Variants in CHRNB3 observed in about 807,000 individuals in gnomAD.
CHRNB3 encodes the protein cholinergic receptor nicotinic beta 3 subunit.
Under a neutral mutation model 40.6 loss-of-function variants are expected in CHRNB3, and 37 were observed. The ratio of observed to expected loss-of-function variants is 0.91; its 90% CI spans 0.70 to 1.20. The LOEUF is 1.20. Among genes scored for constraint, CHRNB3 ranks in the 50% most tolerant of loss-of-function variants. The pLI is 0.00. For missense variants in CHRNB3, 505 were observed against 551.2 expected, an observed-to-expected ratio of 0.92 and a Z score of 0.84; for synonymous variants, 207 against 207.1, an observed-to-expected ratio of 1.00 and a Z score of 0.00.
chr8:42,723,077 C>T (rs913679740), intron 3 of CHRNB3, among the ~76,000 whole-genome samples: 2 of 129,152 alleles, frequency 1.5e-5, no homozygotes, highest in Non-Finnish European at 1.7e-5. Context: ...ATAGGATATC[C>T]TATTACTTAG....
intron 4 of CHRNB3, 65 bp downstream of exon 4, chr8:42,730,768 G>C: frequency 1.9e-6 from 2 of 1,040,270 alleles, no homozygotes; most frequent in Non-Finnish European, 2.7e-6. Context: ...TGAAAAAAAG[G>C]CTGGGCGCGG....
chr8:42,736,523 C>T lies in CHRNB3; in HGVS notation c.1282C>T (p.Arg428Ter), dbSNP rs757161082. The change falls in exon 6 of 6, where the codon CGA (arginine) becomes TGA (stop). Residue 428 changes from arginine (R) to a stop codon, truncating the protein, a stop_gained. Coordinates refer to ENST00000289957, the MANE Select transcript of CHRNB3 (RefSeq NM_000749.5). LOFTEE classifies it high-confidence loss of function. ...GAAATTTGTAGCTCAAGTTCTTGAC[C>T]GAATCTTCCTGTGGCTCTTTCTGAT... ...DWKFVAQVLD[R>*]IFLWLFLIVS... 1.2e-5 allele frequency: 20 copies of T among 1,614,142 alleles called. No homozygotes were observed. The highest frequency in any genetic ancestry group is 6.7e-5 in the East Asian group (3 of 44,882).
At chr8:42,734,992 G>A (rs911028225) in intron 5 of CHRNB3, among the ~76,000 whole-genome samples, 7 of 152,012 alleles carry the variant, frequency 4.6e-5, no homozygotes, top group South Asian at 2.1e-4. Context: ...AGGCCGAGGC[G>A]GGCGGATCAC....
Position 42,732,358 on chromosome 8 carries a change from G to A in CHRNB3, c.1051G>A (p.Asp351Asn), listed in dbSNP as rs1226475033. 6 of 1,609,628 alleles carry A rather than the reference G, an allele frequency of 3.7e-6. No homozygotes were observed. Among genetic ancestry groups the A allele is most frequent in the Non-Finnish European group, 5.1e-6 (6 of 1,179,114 alleles). ...ACTTCCAAAATTACTTTGCATGAAA[G>A]ATCATGTGGATCGCTACTCATCCCC... ...QKLPKLLCMK[D>N]HVDRYSSPEK... Residue 351 changes from aspartate (D) to asparagine (N), a missense_variant, in exon 5 of 6, where the codon GAT (aspartate) becomes AAT (asparagine). Asp to Asn is a conservative substitution (Grantham distance 23). Transcript: ENST00000289957.
At chr8:42,700,629 C>A (rs1397991766) in intron 1 of CHRNB3, among the ~76,000 whole-genome samples, 1 of 152,086 alleles carries the variant, frequency 6.6e-6, no homozygotes, top group Non-Finnish European at 1.5e-5. Flanking sequence ...CCAATTATTT[C>A]TTTTCTGTCC....
chr8:42,708,472 A>ACACACAC (rs1554589834), intron 1 of CHRNB3, among the ~76,000 whole-genome samples: 5 of 51,792 alleles, frequency 9.7e-5, no homozygotes, highest in Admixed American at 9.2e-4. Flanking sequence ...TCTCAAAAAA[A>ACACACAC]ATACACACAC....
chr8:42,724,474 A>C (rs543001029), intron 3 of CHRNB3, among the ~76,000 whole-genome samples: 1 of 152,168 alleles, frequency 6.6e-6, no homozygotes, highest in South Asian at 2.1e-4. Context: ...TGTGTATTTC[A>C]AGTCTTTTTC....
chr8:42,701,426 C>T (rs988604319), intron 1 of CHRNB3, among the ~76,000 whole-genome samples: 2 of 151,584 alleles, frequency 1.3e-5, no homozygotes, highest in African/African-American at 2.4e-5. Flanking sequence ...CTCCTGTAGT[C>T]GCAGCTACTC....
At chr8:42,735,700 C>A (rs1816512246) in intron 5 of CHRNB3, among the ~76,000 whole-genome samples, 1 of 152,114 alleles carries the variant, frequency 6.6e-6, no homozygotes, top group Admixed American at 6.6e-5. Flanking sequence ...CTGTTGCCCA[C>A]TCTCTGCACC....
chr8:42,733,997 C>A (rs909195556), intron 5 of CHRNB3, among the ~76,000 whole-genome samples: 2 of 150,698 alleles, frequency 1.3e-5, no homozygotes, highest in African/African-American at 4.9e-5. Flanking sequence ...GTGGCTCATG[C>A]CTGTAATCCC....
Position 42,717,403 on chromosome 8 carries a change from A to AAAAAAAAAAAAAAAAAAAG in CHRNB3, c.249+6971_249+6972insAAAAAAAAAAAAAAAAGAA, listed in dbSNP as rs71221230. Among the ~76,000 whole-genome samples, 43 of 50,906 alleles carry AAAAAAAAAAAAAAAAAAAG rather than the reference A, an allele frequency of 8.4e-4. 19 individuals carry two copies. The highest frequency in any genetic ancestry group is 1.3e-3 in the East Asian group (2 of 1,568). The allele number at this position is 50,906 out of a possible 152,430, so 33.4% of individuals were successfully genotyped here. A position where few individuals can be genotyped will look rare whatever the true frequency, so the allele number is the denominator to read the frequency against. ...AAAAAAAAAAAAAAAAAAAAAAAAA[A>AAAAAAAAAAAAAAAAAAAG]AAGCCGACCTGTTGTGGAAAGGTCA... On this transcript the variant is annotated intron_variant, in intron 3 of 5. Coordinates refer to ENST00000289957, the MANE Select transcript of CHRNB3 (RefSeq NM_000749.5).
At chr8:42,730,506 C>A in intron 3 of CHRNB3, 88 bp from the exon 4 acceptor site, 1 of 787,472 alleles carries the variant, frequency 1.3e-6, no homozygotes, top group Non-Finnish European at 2.0e-6. Flanking sequence ...AAAACAGTGG[C>A]TTGGTAAAGC....
chr8:42,698,554 C>T (rs1254508595), intron 1 of CHRNB3, among the ~76,000 whole-genome samples: 1 of 152,162 alleles, frequency 6.6e-6, no homozygotes, highest in Non-Finnish European at 1.5e-5. Flanking sequence ...CTGCGAGGCA[C>T]CTGAACATTA....
intron 1 of CHRNB3, among the ~76,000 whole-genome samples, chr8:42,704,128 C>T (rs972319132): frequency 4.6e-5 from 7 of 152,186 alleles, no homozygotes; most frequent in Admixed American, 2.0e-4. Context: ...TCTGTGATCA[C>T]GTGCTAGAAA....
chr8:42,730,156 C>T (rs913216339), intron 3 of CHRNB3, among the ~76,000 whole-genome samples: 1 of 152,170 alleles, frequency 6.6e-6, no homozygotes, highest in Non-Finnish European at 1.5e-5. Flanking sequence ...GGATGTTCAT[C>T]TAAGCCTCTT....
Position 42,732,420 on chromosome 8 carries a change from A to T in CHRNB3, c.1113A>T (p.Lys371Asn). ...KEESQPVVKG[K>N]VLEKKKQKQL... The stretch of plus-strand genomic sequence containing the variant: ...AGAGTCAACCAGTAGTGAAAGGCAA[A>T]GTCCTCGAAAAAAAGAAACAGAAAC... The change falls in exon 5 of 6, where the codon AAA becomes AAT. Residue 371 changes from lysine (K) to asparagine (N), a missense_variant. Transcript: ENST00000289957. The T allele has an allele frequency of 6.2e-7, 1 of 1,614,118 alleles. No homozygotes were observed. The highest frequency in any genetic ancestry group is 1.1e-5 in the South Asian group (1 of 91,070).
At chr8:42,723,010 T>G (rs1424161928) in intron 3 of CHRNB3, among the ~76,000 whole-genome samples, 2 of 152,010 alleles carry the variant, frequency 1.3e-5, no homozygotes, top group Non-Finnish European at 2.9e-5. Flanking sequence ...ACTTAGATAT[T>G]TACTAAAATA....
chr8:42,707,776 G>C (rs2067577480), intron 1 of CHRNB3, among the ~76,000 whole-genome samples: 1 of 152,170 alleles, frequency 6.6e-6, no homozygotes, highest in Admixed American at 6.5e-5. Flanking sequence ...ACTCTTCCTT[G>C]GGAAAAGACA....
At chr8:42,732,618 T>A in intron 5 of CHRNB3, 69 bp downstream of exon 5, 1 of 1,380,118 alleles carries the variant, frequency 7.2e-7, no homozygotes, top group Non-Finnish European at 9.8e-7. Flanking sequence ...TTGACATCTG[T>A]TTACAATAAA....
Sources: allele counts gnomAD v4.1 joint callset (sites outside exome capture counted in the v4.1 genomes callset), GRCh38; gene constraint gnomAD v4.1.1; transcripts MANE v1.5; gene names NCBI Gene and HGNC (gene_info 2026-07-23, HGNC 2026-07-21).